The following LMF2 variants were observed in gnomAD, a reference collection of about 807,000 sequenced individuals.
The protein encoded by LMF2 is lipase maturation factor 2.
Under a neutral mutation model 81.5 loss-of-function variants are expected in LMF2, and 113 were observed. That is an observed-to-expected ratio of 1.39 (90% confidence interval 1.19 to 1.62). LMF2 has a LOEUF of 1.62. LMF2 is among the 40% of genes most tolerant of loss of function. The pLI is 0.00. For synonymous variants in LMF2, 645 were observed against 424.5 expected (o/e 1.52, Z -6.39); for missense variants, 1,235 against 929.1 (o/e 1.33, Z -4.28).
Position 50,503,836 on chromosome 22 carries a change from T to G in LMF2, c.1787A>C (p.Glu596Ala), listed in dbSNP as rs770264049. Reference protein sequence around the residue: ...PSVSLGDPTLETLLRQFGLQE... With the variant: ...PSVSLGDPTLATLLRQFGLQE... Reference sequence around the variant, plus strand: ...TAGTCCAAACTGCCTGAGCAGCGTCTCCAGCGTGGGGTCCCCCAGGGACAC... The same window carrying G: ...TAGTCCAAACTGCCTGAGCAGCGTCGCCAGCGTGGGGTCCCCCAGGGACAC... The change falls in exon 13 of 14, where the codon GAG becomes GCG. Residue 596 changes from glutamate to alanine, a missense_variant. Coordinates refer to ENST00000474879, the MANE Select transcript of LMF2 (RefSeq NM_033200.3). 2.5e-6 allele frequency: 4 copies of G among 1,606,104 alleles called. No homozygotes were observed. In the East Asian group the frequency reaches 8.9e-5, roughly 36 times the overall value.
chr22:50,503,552 G>A lies in LMF2; in HGVS notation c.1963C>T (p.Leu655=), dbSNP rs74394407. The stretch of plus-strand genomic sequence containing the variant: ...GACCGGAGAGAACAGGGTGCTAGCA[G>A]GGCTTGCACAAATCTGACAGCCCCC... ...AVGAVRFVQA[L]LAPCSLRSSP... The change falls in exon 14 of 14, where the codon CTG becomes TTG. Residue 655 remains leucine, a synonymous_variant. Coordinates refer to ENST00000474879, the MANE Select transcript of LMF2 (RefSeq NM_033200.3). 1.3e-3 allele frequency: 2,074 copies of A among 1,556,002 alleles called. 30 individuals carry two copies. The African/African-American group carries it at 0.025, about 19-fold the overall frequency.
rs754193060 is a variant in LMF2, at chr22:50,505,779, A to G, written c.811T>C (p.Tyr271His). The change falls in exon 6 of 14, where the codon TAC becomes CAC. Residue 271 changes from tyrosine to histidine, a missense_variant. Coordinates refer to ENST00000474879, the MANE Select transcript of LMF2 (RefSeq NM_033200.3). ...LQVLIIITGN[Y>H]NFFNLMTLVL... ...AGCGTCATCAGGTTGAAGAAGTTGT[A>G]GTTGCCGGTGATGATAATCAGGACC... The G allele has an allele frequency of 6.2e-6, 10 of 1,613,184 alleles. No homozygotes were observed. In the Admixed American group the frequency reaches 1.7e-4, roughly 27 times the overall value.
rs766166819 is a variant in LMF2, at chr22:50,503,906, T to A, written c.1719-2A>T. On this transcript the variant is annotated splice_acceptor_variant, in intron 12 of 13. Transcript: ENST00000474879. LOFTEE classifies it high-confidence loss of function. ...ACCCACTGGCGCCGCCACCACTGGC[T>A]GCAGCAGGACCCGATGTTCAGAAGC... 6.2e-7 allele frequency: 1 copy of A among 1,604,454 alleles called. No homozygotes were observed. Among genetic ancestry groups the A allele is most frequent in the South Asian group, 1.1e-5 (1 of 91,076 alleles).
intron 8 of LMF2, 38 bp from the exon 9 acceptor site, chr22:50,505,191 C>T: frequency 6.2e-7 from 1 of 1,612,802 alleles, no homozygotes; most frequent in Non-Finnish European, 8.5e-7. Flanking sequence ...GCCGGCCCTG[C>T]ACACCTGTGC....
chr22:50,503,467 C>T lies in LMF2; in HGVS notation c.2048G>A (p.Gly683Glu). 1 of 1,596,722 alleles carries T rather than the reference C, an allele frequency of 6.3e-7. No homozygotes were observed. The highest frequency in any genetic ancestry group is 8.5e-7 in the Non-Finnish European group (1 of 1,174,754). ...KRRPASQKDS[G>E]AASEQATAAP... is the part of the protein sequence containing the mutation. ...TGCGGTGGCCTGTTCGGAGGCAGCT[C>T]CGGAGTCTTTCTGGGAGGCTGGCCT... The change falls in exon 14 of 14, where the codon GGA becomes GAA. Residue 683 changes from glycine to glutamate, a missense_variant. Coordinates refer to ENST00000474879, the MANE Select transcript of LMF2 (RefSeq NM_033200.3).
At chr22:50,507,301 C>T (rs1229719900) in intron 1 of LMF2, 4 of 613,780 alleles carry the variant, frequency 6.5e-6, no homozygotes, top group Non-Finnish European at 1.1e-5. Flanking sequence ...TCAGCCCGAT[C>T]TCCTACCTGT....
intron 11 of LMF2, 32 bp downstream of exon 11, chr22:50,504,526 GC>G (rs199861800): frequency 0.047 from 37,913 of 814,716 alleles, 608 homozygotes; most frequent in Middle Eastern, 0.15. Flanking sequence ...CTCCACCCCA[GC>G]CCACTCCACA....
At position 50,504,015 on chromosome 22, in the gene LMF2, C is replaced by A. The variant is rs545815428; in HGVS notation, c.1719-111G>T. 1.9e-5 allele frequency: 20 copies of A among 1,040,206 alleles called. No homozygotes were observed. In the East Asian group the frequency reaches 4.8e-4, roughly 25 times the overall value. The allele number at this position is 1,040,206 out of a possible 1,614,324, so 64.4% of individuals were successfully genotyped here. ...AGCTCCTCACGCTCCACATCCCCCCCTGGTGCCCGGCCTTACCCCTGCACC... is the reference window on the plus strand; with the variant it reads ...AGCTCCTCACGCTCCACATCCCCCCATGGTGCCCGGCCTTACCCCTGCACC... On this transcript the variant is annotated intron_variant, in intron 12 of 13. Coordinates refer to ENST00000474879, the MANE Select transcript of LMF2 (RefSeq NM_033200.3).
chr22:50,505,287 G>A lies in LMF2; in HGVS notation c.1099C>T (p.Pro367Ser). Residue 367 changes from proline to serine, a missense_variant, in exon 8 of 14, where the codon CCC (proline) becomes TCC (serine). By Grantham distance (74) the Pro-to-Ser change is moderately conservative (BLOSUM62 -1). Transcript: ENST00000474879. Reference protein sequence around the residue: ...FSQWLKTLTLPTVWLGVASLV... With the variant: ...FSQWLKTLTLSTVWLGVASLV... ...GAGGCCACACCCAGCCACACAGTGGGCAGCGTCAGTGTCTTCAGCCACTGA... is the reference window on the plus strand; with the variant it reads ...GAGGCCACACCCAGCCACACAGTGGACAGCGTCAGTGTCTTCAGCCACTGA... 3 of 1,613,304 alleles carry A rather than the reference G, an allele frequency of 1.9e-6. No individual in the cohort carries two copies. The highest frequency in any genetic ancestry group is 1.1e-5 in the South Asian group (1 of 91,090).
rs774041269 is a variant in LMF2, at chr22:50,506,618, C to T, written c.377+20G>A. 9.9e-6 allele frequency: 16 copies of T among 1,610,574 alleles called. No individual in the cohort carries two copies. In the Admixed American group the frequency reaches 1.2e-4, roughly 12 times the overall value. On this transcript the variant is annotated intron_variant, in intron 3 of 13. Transcript: ENST00000474879. ...CCCCCTACCCAGCCTCCCACAGCCCCAGGCCCAGCCGTCACTCACCACTGG... is the reference window on the plus strand; with the variant it reads ...CCCCCTACCCAGCCTCCCACAGCCCTAGGCCCAGCCGTCACTCACCACTGG...
intron 8 of LMF2, 26 bp downstream of exon 8, chr22:50,505,203 C>T: frequency 6.2e-7 from 1 of 1,612,662 alleles, no homozygotes; most frequent in Non-Finnish European, 8.5e-7. Flanking sequence ...CACCTGTGCC[C>T]CCTCCCTGCT....
chr22:50,505,019 GCCCCCAGCCCAT>G (rs1569518301), intron 9 of LMF2, 26 bp downstream of exon 9: 1 of 1,612,212 alleles, frequency 6.2e-7, no homozygotes, highest in African/African-American at 1.3e-5. Flanking sequence ...GGGCTGCCCT[GCCCCCAGCCCAT>G]CCCCCAGCCC....
Position 50,503,398 on chromosome 22 carries a change from T to C in LMF2, c.2117A>G (p.Lys706Arg). Reference sequence around the variant, plus strand: ...GCAGCTGGGAGAACACAGCTACTTCTTTCGCCGGGTGGTCCTCGAACTACT... The same window carrying C: ...GCAGCTGGGAGAACACAGCTACTTCCTTCGCCGGGTGGTCCTCGAACTACT... ...CSSSSRTTRR[K>R]K The change falls in exon 14 of 14, where the codon AAG (lysine) becomes AGG (arginine). Residue 706 changes from lysine to arginine, a missense_variant. Lys to Arg is a conservative substitution (Grantham distance 26, BLOSUM62 2). Coordinates refer to ENST00000474879, the MANE Select transcript of LMF2 (RefSeq NM_033200.3). 1 of 1,610,444 alleles carries C rather than the reference T, an allele frequency of 6.2e-7. No individual in the cohort carries two copies. Among genetic ancestry groups the C allele is most frequent in the Non-Finnish European group, 8.5e-7 (1 of 1,179,054 alleles).
chr22:50,504,991 A>T lies in LMF2; in HGVS notation c.1255-7T>A, dbSNP rs1250615927. On this transcript the variant is annotated splice_region_variant and splice_polypyrimidine_tract_variant and intron_variant, in intron 9 of 13. Coordinates refer to ENST00000474879, the MANE Select transcript of LMF2 (RefSeq NM_033200.3). ...CCACGTAGGAGTACGGCACCTGGAG[A>T]CAGGTGGGAGGTTCTCAGGGCTGCC... is the stretch of plus-strand genomic sequence containing the variant. The T allele has an allele frequency of 6.2e-7, 1 of 1,609,832 alleles. No homozygotes were observed. The highest frequency in any genetic ancestry group is 1.1e-5 in the South Asian group (1 of 91,040).
At chr22:50,504,495 G>GGCCCCCCCCA in intron 11 of LMF2, 44 bp from the exon 12 acceptor site, 1 of 1,339,594 alleles carries the variant, frequency 7.5e-7, no homozygotes, top group East Asian at 2.5e-5. Flanking sequence ...TACCCGCCCT[G>GGCCCCCCCCA]CCCCTCCCCT....
intron 10 of LMF2, 24 bp downstream of exon 10, chr22:50,504,778 C>A: frequency 1.2e-6 from 2 of 1,603,764 alleles, no homozygotes; most frequent in Non-Finnish European, 8.5e-7. Context: ...GCCCCACCAC[C>A]CTGCCCGCCC....
rs376601041 is a variant in LMF2, at chr22:50,506,495, G to A, written c.385C>T (p.Leu129=). The change falls in exon 4 of 14, where the codon CTG becomes TTG. Residue 129 remains leucine (L), a synonymous_variant. Transcript: ENST00000474879. ...QVFLYFQWDS[L]LLETGFLAVL... is the part of the protein sequence containing the mutation. ...GCCAGGAAGCCAGTCTCTAGCAGCA[G>A]GGAGTCCCTATGGGGAGAGCAAATA... 1.6e-4 allele frequency: 247 copies of A among 1,559,920 alleles called. 1 individual carries two copies. In the African/African-American group the frequency reaches 2.9e-3, roughly 19 times the overall value.
Position 50,506,943 on chromosome 22 carries a change from G to C in LMF2, c.187C>G (p.Leu63Val). The change falls in exon 2 of 14, where the codon CTG becomes GTG. Residue 63 changes from leucine to valine, a missense_variant. Coordinates refer to ENST00000474879, the MANE Select transcript of LMF2 (RefSeq NM_033200.3). The part of the protein sequence containing the change: ...RWQQLWETPT[L>V]LWEAPRLGLD... Reference sequence around the variant, plus strand: ...CCCAGTCTCGGCGCTTCCCACAGCAGCGTCGGGGTCTCCCACAGCTGCTGC... The same window carrying C: ...CCCAGTCTCGGCGCTTCCCACAGCACCGTCGGGGTCTCCCACAGCTGCTGC... 1 of 1,580,412 alleles carries C rather than the reference G, an allele frequency of 6.3e-7. No individual in the cohort carries two copies.
intron 5 of LMF2, 79 bp from the exon 6 acceptor site, chr22:50,505,894 T>C (rs1207718229): frequency 1.3e-6 from 2 of 1,587,910 alleles, no homozygotes; most frequent in Non-Finnish European, 1.7e-6. Flanking sequence ...CCCTGCAGGG[T>C]GCATCCCTCT....
Sources: allele counts gnomAD v4.1 joint callset, GRCh38; gene constraint gnomAD v4.1.1; transcripts MANE v1.5; gene names NCBI Gene and HGNC (gene_info 2026-07-23, HGNC 2026-07-21).